ROBO2: variants seen among roughly 807,000 people sequenced by gnomAD.
ROBO2 encodes the protein roundabout guidance receptor 2, also known as roundabout homolog 2.
A neutral mutation model predicts 160.8 loss-of-function variants in ROBO2; 53 were observed. That is an observed-to-expected ratio of 0.33 (90% confidence interval 0.26 to 0.41). The LOEUF (loss-of-function observed/expected upper bound fraction) is 0.41, where lower values mean the gene tolerates loss of function less well. ROBO2 is among the 10% of genes least tolerant of loss of function. The pLI, the probability that ROBO2 is intolerant of heterozygous loss-of-function variation, is 1.00. For missense variants in ROBO2, 1,577 were observed against 1,722.4 expected (o/e 0.92, Z 1.49); for synonymous variants, 664 against 611.7 (o/e 1.09, Z -1.26).
chr3:77,002,887 A>G (rs2061400093), intron 2 of ROBO2, among the ~76,000 whole-genome samples: 1 of 152,156 alleles, frequency 6.6e-6, no homozygotes. Flanking sequence ...CTACTCAAAC[A>G]TTCATGTATA....
chr3:76,367,035 A>T (rs1335497419), intron 2 of ROBO2, among the ~76,000 whole-genome samples: 1 of 152,044 alleles, frequency 6.6e-6, no homozygotes, highest in African/African-American at 2.4e-5. Context: ...TGTCATAAGC[A>T]ATTTTATATG....
At chr3:76,578,371 C>T (rs902203876) in intron 2 of ROBO2, among the ~76,000 whole-genome samples, 2 of 152,068 alleles carry the variant, frequency 1.3e-5, no homozygotes, top group African/African-American at 4.8e-5. Context: ...TTTTCTCAGT[C>T]GAGCTTCCCA....
Position 76,231,123 on chromosome 3 carries a change from C to A in ROBO2, c.109+293521C>A, listed in dbSNP as rs1176988819. ...ATGCATTTCTGTTGTTTGAGGCTACCCAGTCAGAGAAACTTTGTTAGGACA... is the reference window on the plus strand; with the variant it reads ...ATGCATTTCTGTTGTTTGAGGCTACACAGTCAGAGAAACTTTGTTAGGACA... On this transcript the variant is annotated intron_variant, in intron 2 of 26. Coordinates refer to the ROBO2 transcript ENST00000487694. Among the ~76,000 whole-genome samples the A allele has an allele frequency of 2.6e-5, 4 of 152,230 alleles. No homozygotes were observed. The East Asian group carries it at 7.7e-4, about 29-fold the overall frequency.
intron 2 of ROBO2, among the ~76,000 whole-genome samples, chr3:77,358,602 T>C (rs2153464574): frequency 6.6e-6 from 1 of 152,326 alleles, no homozygotes; most frequent in African/African-American, 2.4e-5. Context: ...TAAATTAAAA[T>C]ATGTTAAATG....
rs1022323825 is a variant in ROBO2, at chr3:76,557,971, G to A, written c.110-540043G>A. On this transcript the variant is annotated intron_variant, in intron 2 of 26. Coordinates refer to the ROBO2 transcript ENST00000487694. Reference sequence around the variant, plus strand: ...TCAAAATAGTTATCATGCGGATAATGGGGAGGCATTCAACTATTTTGAACT... The same window carrying A: ...TCAAAATAGTTATCATGCGGATAATAGGGAGGCATTCAACTATTTTGAACT... Among the ~76,000 whole-genome samples the A allele has an allele frequency of 3.3e-5, 5 of 150,802 alleles. No homozygotes were observed. In the East Asian group the frequency reaches 9.8e-4, roughly 30 times the overall value.
intron 2 of ROBO2, among the ~76,000 whole-genome samples, chr3:76,091,411 A>T (rs2108095677): frequency 6.6e-6 from 1 of 152,268 alleles, no homozygotes; most frequent in East Asian, 1.9e-4. Flanking sequence ...CCAAAATCCA[A>T]ATCACTGACA....
At chr3:76,502,775 T>A (rs1023352649) in intron 2 of ROBO2, among the ~76,000 whole-genome samples, 1 of 152,138 alleles carries the variant, frequency 6.6e-6, no homozygotes, top group Non-Finnish European at 1.5e-5. Flanking sequence ...TTATAAAGAA[T>A]ATCAAATCCT....
At chr3:76,678,046 C>T (rs1038647405) in intron 2 of ROBO2, among the ~76,000 whole-genome samples, 2 of 128,716 alleles carry the variant, frequency 1.6e-5, no homozygotes, top group African/African-American at 6.0e-5. Context: ...TCTCAGCCTA[C>T]TGCAAACTCC....
rs528260140 is a variant in ROBO2 at position 77,524,259 on chromosome 3, G to T, written c.934+1357G>T. On this transcript the variant is annotated intron_variant, in intron 6 of 25. Transcript: ENST00000461745. ...TCTTCATTAGTTAACAGGTCATAAA[G>T]GACTATGATCATATATGAATTGAAT... Among the ~76,000 whole-genome samples, 4 of 145,952 alleles carry T rather than the reference G, an allele frequency of 2.7e-5. No individual in the cohort carries two copies. In the East Asian group the frequency reaches 6.1e-4, roughly 22 times the overall value.
chr3:76,765,084 C>G (rs545027073), intron 2 of ROBO2, among the ~76,000 whole-genome samples: 17 of 151,726 alleles, frequency 1.1e-4, no homozygotes, highest in Non-Finnish European at 2.2e-4. Context: ...TCTGCAGTCT[C>G]TAATGTCTAT....
chr3:76,482,629 T>C (rs2079274054), intron 2 of ROBO2, among the ~76,000 whole-genome samples: 1 of 152,146 alleles, frequency 6.6e-6, no homozygotes, highest in South Asian at 2.1e-4. Flanking sequence ...TCACTCTGAT[T>C]GTCTCCGTGG....
At chr3:77,242,964 T>G (rs750473054) in intron 2 of ROBO2, among the ~76,000 whole-genome samples, 8 of 151,672 alleles carry the variant, frequency 5.3e-5, no homozygotes, top group Non-Finnish European at 1.2e-4. Flanking sequence ...TGTGTGTGTG[T>G]GCATGTGTGC....
rs781004416 is a variant in ROBO2 at position 77,069,930 on chromosome 3, A to T, written c.62-28084A>T. Among the ~76,000 whole-genome samples the T allele has an allele frequency of 2.6e-5, 4 of 152,194 alleles. No individual in the cohort carries two copies. The South Asian group carries it at 8.3e-4, about 31-fold the overall frequency. ...CCCTGGTGCCTCAGAATGTGATCTT[A>T]TTTGGAAATAAGGTCTTTACAGAGA... On this transcript the variant is annotated intron_variant, in intron 1 of 25. Transcript: ENST00000461745.
chr3:76,321,787 T>G (rs1325572872), intron 2 of ROBO2, among the ~76,000 whole-genome samples: 1 of 152,164 alleles, frequency 6.6e-6, no homozygotes, highest in Non-Finnish European at 1.5e-5. Flanking sequence ...AAGGCCGTTG[T>G]AAGACTTGGC....
rs11279805 is a variant in ROBO2, at chr3:77,617,950, A to AAACTAG, written c.3554+200_3554+205dup. The AAACTAG allele has an allele frequency of 1.5e-3, 1,027 of 674,824 alleles. 7 individuals carry two copies. The African/African-American group carries it at 0.016, about 10-fold the overall frequency. 41.8% of individuals were successfully genotyped at this position (674,824 alleles called of 1,614,324 possible). On this transcript the variant is annotated intron_variant, in intron 22 of 25. Transcript: ENST00000461745. The stretch of plus-strand genomic sequence containing the variant: ...TGAGAAATGTTAAATAATTTGGCCA[A>AAACTAG]AACTAGAACTAGAACTAGAACTAGA...
intron 2 of ROBO2, among the ~76,000 whole-genome samples, chr3:76,767,473 C>T (rs990755512): frequency 1.3e-5 from 2 of 151,156 alleles, no homozygotes; most frequent in African/African-American, 4.8e-5. Flanking sequence ...ATGTGAATGA[C>T]GTAGATAAGT....
intron 6 of ROBO2, among the ~76,000 whole-genome samples, chr3:77,533,154 T>C (rs1483467816): frequency 6.6e-6 from 1 of 152,172 alleles, no homozygotes; most frequent in East Asian, 1.9e-4. Context: ...TTCAATATCT[T>C]ACTAAAAACA....
At chr3:77,553,078 G>C (rs2092977618) in intron 8 of ROBO2, among the ~76,000 whole-genome samples, 1 of 151,862 alleles carries the variant, frequency 6.6e-6, no homozygotes, top group Non-Finnish European at 1.5e-5. Context: ...GCAACCCTGG[G>C]TCAAACAAGT....
intron 23 of ROBO2, chr3:77,634,050 C>T (rs537158882): frequency 6.6e-6 from 1 of 152,228 alleles, no homozygotes; most frequent in East Asian, 1.9e-4. Context: ...ATAAACCAGG[C>T]CTCTGTTACT....
Sources: allele counts gnomAD v4.1 joint callset (sites outside exome capture counted in the v4.1 genomes callset), GRCh38; gene constraint gnomAD v4.1.1; transcripts MANE v1.5; gene names NCBI Gene and HGNC (gene_info 2026-07-23, HGNC 2026-07-21).